Variants in FGD3 observed in about 807,000 individuals in gnomAD.
The protein encoded by FGD3 is FYVE, RhoGEF and PH domain containing 3.
In FGD3, 45 loss-of-function variants were observed where a neutral mutation model predicts 71.8. The ratio of observed to expected loss-of-function variants is 0.63; its 90% CI spans 0.49 to 0.80. The LOEUF is 0.80. FGD3 is among the 30% of genes least tolerant of loss of function. The probability of loss-of-function intolerance (pLI) is 0.00; values close to 1 mark genes in which losing one functional copy is unlikely to be tolerated. For missense variants in FGD3, 844 were observed against 951.5 expected (o/e 0.89, Z 1.49); for synonymous variants, 378 against 392.8 (o/e 0.96, Z 0.44).
At chr9:92,991,470 T>G (rs1379410586) in intron 3 of FGD3, among the ~76,000 whole-genome samples, 3 of 152,230 alleles carry the variant, frequency 2.0e-5, no homozygotes, top group Non-Finnish European at 4.4e-5. Flanking sequence ...TTTGAATGTT[T>G]CTCTTGTTGT....
rs968243391 is a variant in FGD3 at position 92,979,970 on chromosome 9, C to G, written c.453+3261C>G. Among the ~76,000 whole-genome samples, 11 of 149,776 alleles carry G rather than the reference C, an allele frequency of 7.3e-5. 1 individual carries two copies. The Middle Eastern group carries it at 0.01, about 139-fold the overall frequency. ...TCTCTCTCTCTTTTTTTTTTTGAGG[C>G]AGTCTATTTAAAAATCACAACATTT... On this transcript the variant is annotated intron_variant, in intron 3 of 17. Coordinates refer to ENST00000375482, the MANE Select transcript of FGD3 (RefSeq NM_001083536.2).
chr9:93,014,428 C>T (rs1348067913), intron 9 of FGD3, among the ~76,000 whole-genome samples: 6 of 152,030 alleles, frequency 3.9e-5, no homozygotes, highest in Non-Finnish European at 4.4e-5. Context: ...CCCCCGGGTG[C>T]CATGGCGCGG....
intron 16 of FGD3, 66 bp from the exon 17 acceptor site, chr9:93,034,475 C>A (rs542684919): frequency 6.6e-7 from 1 of 1,511,176 alleles, no homozygotes; most frequent in Admixed American, 2.2e-5. Context: ...CCTACCCCAG[C>A]CTCCTCAGAA....
intron 12 of FGD3, 64 bp from the exon 13 acceptor site, chr9:93,020,251 TCC>T (rs1212462706): frequency 6.9e-7 from 1 of 1,458,644 alleles, no homozygotes; most frequent in African/African-American, 1.4e-5. Flanking sequence ...GGCAGGCGCG[TCC>T]CTCCTGTGGG....
intron 14 of FGD3, among the ~76,000 whole-genome samples, chr9:93,025,430 G>C (rs888332602): frequency 6.6e-6 from 1 of 152,230 alleles, no homozygotes; most frequent in Non-Finnish European, 1.5e-5. Flanking sequence ...GTTGAGACTA[G>C]GGTAGGAGCT....
chr9:92,972,907 T>C (rs1859588966), intron 1 of FGD3, among the ~76,000 whole-genome samples: 2 of 152,174 alleles, frequency 1.3e-5, no homozygotes, highest in African/African-American at 2.4e-5. Flanking sequence ...TCACACTTCG[T>C]AGTTTTCATC....
intron 3 of FGD3, among the ~76,000 whole-genome samples, chr9:92,997,326 A>T (rs986589195): frequency 6.6e-6 from 1 of 152,082 alleles, no homozygotes; most frequent in African/African-American, 2.4e-5. Context: ...CATTTGCTTG[A>T]TAGATCTTCC....
intron 3 of FGD3, among the ~76,000 whole-genome samples, chr9:92,989,312 G>A (rs1860309014): frequency 6.6e-6 from 1 of 152,226 alleles, no homozygotes; most frequent in Admixed American, 6.5e-5. Flanking sequence ...GCCTCCCAAA[G>A]TGCTGGGATT....
intron 14 of FGD3, among the ~76,000 whole-genome samples, chr9:93,027,128 G>C (rs1266485034): frequency 6.6e-6 from 1 of 152,238 alleles, no homozygotes; most frequent in Admixed American, 6.5e-5. Flanking sequence ...GCCGGGGGCT[G>C]CAGCACAGCG....
chr9:92,952,112 A>G (rs78503436), intron 1 of FGD3, among the ~76,000 whole-genome samples: 5,539 of 152,264 alleles, frequency 0.036, 255 homozygotes, highest in East Asian at 0.24. Context: ...TGACTCCCCA[A>G]GGGCTTCTTA....
intron 1 of FGD3, among the ~76,000 whole-genome samples, chr9:92,959,915 A>T (rs10992555): frequency 6.6e-6 from 1 of 150,866 alleles, no homozygotes; most frequent in Admixed American, 6.6e-5. Flanking sequence ...CTCTATGTCC[A>T]TGTGGCTCCA....
At chr9:92,980,020 A>C (rs1469091811) in intron 3 of FGD3, among the ~76,000 whole-genome samples, 2 of 142,106 alleles carry the variant, frequency 1.4e-5, no homozygotes, top group African/African-American at 5.3e-5. Context: ...ACATTTAGAC[A>C]ATAGAATAGA....
At chr9:93,023,744 C>T (rs557356242) in intron 14 of FGD3, among the ~76,000 whole-genome samples, 7 of 151,674 alleles carry the variant, frequency 4.6e-5, no homozygotes, top group Middle Eastern at 3.2e-3. Context: ...TAGCCTGCCC[C>T]GGGGGACCCT....
In FGD3 at chr9:92,982,669, A is replaced by G. The variant is rs185423494; in HGVS notation, c.453+5960A>G. On this transcript the variant is annotated intron_variant, in intron 3 of 17. Transcript: ENST00000375482. ...TTCGCTCCTGTTCTGCTTGATATTC[A>G]TGAACATTTCAGCTCTCCATAAGAG... 8.6e-5 allele frequency among the ~76,000 whole-genome samples: 13 copies of G among 151,662 alleles called. No homozygotes were observed. The East Asian group carries it at 1.7e-3, about 20-fold the overall frequency.
At chr9:93,035,207 C>T in intron 17 of FGD3, 131 bp from the exon 18 acceptor site, 1 of 1,321,300 alleles carries the variant, frequency 7.6e-7, no homozygotes, top group Non-Finnish European at 1.0e-6. Context: ...AGCCACCAGA[C>T]CCCTCGGGCT....
In FGD3 at chr9:93,018,141, G is replaced by A; in HGVS notation, c.1281G>A (p.Gln427=). The A allele has an allele frequency of 6.2e-7, 1 of 1,614,082 alleles. No individual in the cohort carries two copies. Among genetic ancestry groups the A allele is most frequent in the Non-Finnish European group, 8.5e-7 (1 of 1,179,980 alleles). The change falls in exon 11 of 18, where the codon CAG becomes CAA. Residue 427 remains glutamine, a synonymous_variant. Transcript: ENST00000375482. ...EKMDISGLQV[Q]DIVKPNTAHT... is the part of the protein sequence containing the mutation. ...CTTTGTTCTTGCCCCTTCAGGTGCA[G>A]GATATCGTCAAGCCAAACACAGCAC...
At chr9:93,014,396 G>A (rs1326637208) in intron 9 of FGD3, among the ~76,000 whole-genome samples, 1 of 152,142 alleles carries the variant, frequency 6.6e-6, no homozygotes, top group Admixed American at 6.5e-5. Flanking sequence ...GGGAAGGTGG[G>A]ATGGAAGTGT....
rs114671399 is a variant in FGD3 at position 93,027,120 on chromosome 9, C to T, written c.1558-2754C>T. Among the ~76,000 whole-genome samples the T allele has an allele frequency of 6.1e-3, 923 of 152,310 alleles. 9 individuals are homozygous for T. The highest frequency in any genetic ancestry group is 0.021 in the African/African-American group (881 of 41,580). On this transcript the variant is annotated intron_variant, in intron 14 of 17. Coordinates refer to ENST00000375482, the MANE Select transcript of FGD3 (RefSeq NM_001083536.2). ...AGCAAGGCCCATTCAACAGAGGTGCCGGGGGCTGCAGCACAGCGAGTGAGA... is the reference window on the plus strand; with the variant it reads ...AGCAAGGCCCATTCAACAGAGGTGCTGGGGGCTGCAGCACAGCGAGTGAGA...
At chr9:93,022,087 C>T (rs973340396) in intron 13 of FGD3, among the ~76,000 whole-genome samples, 3 of 152,188 alleles carry the variant, frequency 2.0e-5, no homozygotes, top group Non-Finnish European at 2.9e-5. Context: ...GGAGGCATCA[C>T]CCACCAGCCA....
Sources: gnomAD v4.1 joint callset for allele counts (sites outside exome capture counted in the v4.1 genomes callset) on GRCh38, gnomAD v4.1.1 for gene constraint, MANE v1.5 for transcripts, NCBI Gene and HGNC (gene_info 2026-07-23, HGNC 2026-07-21) for gene names.